TUSC3: variants seen among roughly 807,000 people sequenced by gnomAD.
TUSC3 encodes the protein tumor suppressor candidate 3, also known as dolichyl-diphosphooligosaccharide--protein glycosyltransferase subunit TUSC3.
Under a neutral mutation model 44.8 loss-of-function variants are expected in TUSC3, and 45 were observed. The ratio of observed to expected loss-of-function variants is 1.00; its 90% CI spans 0.79 to 1.29. TUSC3 has a LOEUF of 1.29. Among genes scored for constraint, TUSC3 ranks in the 50% most tolerant of loss-of-function variants. TUSC3 has a pLI of 0.00. For missense variants in TUSC3, 519 were observed against 437.9 expected, an observed-to-expected ratio of 1.19 and a Z score of -1.65; for synonymous variants, 212 against 152.9, an observed-to-expected ratio of 1.39 and a Z score of -2.85.
intron 1 of TUSC3, among the ~76,000 whole-genome samples, chr8:15,588,694 A>C (rs897331214): frequency 2.0e-5 from 3 of 152,144 alleles, no homozygotes; most frequent in African/African-American, 7.2e-5. Flanking sequence ...TTTGGGTCTT[A>C]CACTTAAGTC....
At chr8:15,540,177 C>A (rs775641863), upstream of TUSC3, 133 of 454,304 alleles carry the variant, frequency 2.9e-4, 1 homozygote, top group Admixed American at 4.5e-4. Context: ...GCCGCGCCCC[C>A]GAAGCCTGGC....
chr8:15,517,415 A>G (rs1217070771), intron 2 of TUSC3, among the ~76,000 whole-genome samples: 2 of 151,602 alleles, frequency 1.3e-5, no homozygotes, highest in Non-Finnish European at 2.9e-5. Flanking sequence ...AAAGTCAGAC[A>G]TGGAAAATGG....
rs1168712207 is a variant in TUSC3, at chr8:15,623,084, T to C, written c.143T>C (p.Leu48Pro). The change falls in exon 2 of 11, where the codon CTT becomes CCT. Residue 48 changes from leucine (L) to proline (P), a missense_variant. By Grantham distance (98) the Leu-to-Pro change is moderately conservative (BLOSUM62 -3). Transcript: ENST00000503731. ...LGGGQKKKEN[L>P]LAEKVEQLME... ...AATTTCTGTGTTTAATTGCAGAATC[T>C]TTTAGCTGAAAAAGTAGAGCAGCTG... 5.6e-6 allele frequency: 9 copies of C among 1,613,738 alleles called. No homozygotes were observed. Among genetic ancestry groups the C allele is most frequent in the Non-Finnish European group, 7.6e-6 (9 of 1,179,804 alleles).
In TUSC3 at chr8:15,689,506, G is replaced by C. The variant is rs567872097; in HGVS notation, c.798+15670G>C. The C allele has an allele frequency of 4.5e-4, 75 of 167,810 alleles. 2 individuals are homozygous for C. In the South Asian group the frequency reaches 9.1e-3, roughly 20 times the overall value. 10.4% of individuals were successfully genotyped at this position (167,810 alleles called of 1,614,324 possible). A position where few individuals can be genotyped will look rare whatever the true frequency, so the allele number is the denominator to read the frequency against. ...CTGGCGCCAGCCACTCCGTTCCCCAGGACAGGATCCCCAGGGGTGCCAGCA... is the reference window on the plus strand; with the variant it reads ...CTGGCGCCAGCCACTCCGTTCCCCACGACAGGATCCCCAGGGGTGCCAGCA... On this transcript the variant is annotated intron_variant, in intron 6 of 10. Coordinates refer to ENST00000503731, the MANE Select transcript of TUSC3 (RefSeq NM_006765.4).
chr8:15,616,315 C>T (rs904930566), intron 1 of TUSC3, among the ~76,000 whole-genome samples: 1 of 152,276 alleles, frequency 6.6e-6, no homozygotes, highest in Non-Finnish European at 1.5e-5. Flanking sequence ...TGGTGGCTCA[C>T]GCCAGTAATC....
intron 1 of TUSC3, among the ~76,000 whole-genome samples, chr8:15,438,447 C>T (rs116329597): frequency 0.16 from 24,456 of 151,782 alleles, 2,018 homozygotes; most frequent in Middle Eastern, 0.22. Flanking sequence ...TGCATGGTGC[C>T]TGGTATAGTC....
the TUSC3 span, among the ~76,000 whole-genome samples, chr8:15,808,331 T>A: frequency 6.6e-6 from 1 of 152,140 alleles, no homozygotes; most frequent in Non-Finnish European, 1.5e-5. Flanking sequence ...AGAATATAAT[T>A]GTTTAAAAAA....
At chr8:15,449,916 A>G (rs904773824) in intron 1 of TUSC3, among the ~76,000 whole-genome samples, 2 of 152,034 alleles carry the variant, frequency 1.3e-5, no homozygotes, top group African/African-American at 4.8e-5. Flanking sequence ...TGCCTGTGGT[A>G]TTCAGTGTAG....
chr8:15,794,440 A>T, the TUSC3 span, among the ~76,000 whole-genome samples: 1 of 152,184 alleles, frequency 6.6e-6, no homozygotes, highest in African/African-American at 2.4e-5. Context: ...CATAATTTGA[A>T]TGCACTGGAA....
intron 1 of TUSC3, among the ~76,000 whole-genome samples, chr8:15,622,426 C>T (rs936190504): frequency 1.3e-5 from 2 of 151,864 alleles, no homozygotes; most frequent in African/African-American, 4.8e-5. Context: ...AGCCACCATT[C>T]CCAGCCTATA....
At chr8:15,613,983 G>A (rs1237771125) in intron 1 of TUSC3, among the ~76,000 whole-genome samples, 1 of 149,318 alleles carries the variant, frequency 6.7e-6, no homozygotes, top group African/African-American at 2.5e-5. Flanking sequence ...TGTACAGGAA[G>A]TATACATTTG....
chr8:15,628,727 G>A (rs1469378184), intron 2 of TUSC3, among the ~76,000 whole-genome samples: 2 of 152,168 alleles, frequency 1.3e-5, no homozygotes, highest in Non-Finnish European at 2.9e-5. Context: ...TTGAGATACC[G>A]TTTTTGAAAC....
At chr8:15,499,138 C>G (rs1483610615) in intron 2 of TUSC3, among the ~76,000 whole-genome samples, 3 of 152,110 alleles carry the variant, frequency 2.0e-5, no homozygotes, top group Non-Finnish European at 4.4e-5. Flanking sequence ...GCTTTAATTT[C>G]TGGTTCACTG....
At chr8:15,422,316 C>A (rs1291936470) in intron 1 of TUSC3, among the ~76,000 whole-genome samples, 2 of 152,048 alleles carry the variant, frequency 1.3e-5, no homozygotes, top group African/African-American at 4.8e-5. Context: ...CATTATGTTC[C>A]ATTCTGTTGT....
At chr8:15,564,502 G>C (rs772908715) in intron 1 of TUSC3, among the ~76,000 whole-genome samples, 4 of 152,088 alleles carry the variant, frequency 2.6e-5, no homozygotes, top group Non-Finnish European at 4.4e-5. Context: ...AATATGTGCA[G>C]TGTCTATTTG....
chr8:15,463,182 G>T (rs1217820539), intron 1 of TUSC3, among the ~76,000 whole-genome samples: 3 of 151,978 alleles, frequency 2.0e-5, no homozygotes, highest in African/African-American at 7.2e-5. Flanking sequence ...CTGAGTAATT[G>T]CAGAGTAAAA....
chr8:15,761,273 G>C (rs1361561690), intron 10 of TUSC3, among the ~76,000 whole-genome samples: 1 of 152,168 alleles, frequency 6.6e-6, no homozygotes, highest in Non-Finnish European at 1.5e-5. Flanking sequence ...ATGAGGGAGT[G>C]CTGAGGAGAG....
intron 1 of TUSC3, among the ~76,000 whole-genome samples, chr8:15,571,651 T>A (rs541818849): frequency 1.3e-5 from 2 of 152,258 alleles, no homozygotes; most frequent in East Asian, 3.9e-4. Flanking sequence ...GTTGGCCACA[T>A]TGATTCCCTC....
intron 2 of TUSC3, among the ~76,000 whole-genome samples, chr8:15,643,410 GTT>G (rs10662497): frequency 1.4e-5 from 2 of 144,756 alleles, no homozygotes; most frequent in Non-Finnish European, 1.5e-5. Context: ...ACTGTTAGTT[GTT>G]TTTTTTTTTT....
Sources: gnomAD v4.1 joint callset for allele counts (sites outside exome capture counted in the v4.1 genomes callset) on GRCh38, gnomAD v4.1.1 for gene constraint, MANE v1.5 for transcripts, NCBI Gene and HGNC (gene_info 2026-07-23, HGNC 2026-07-21) for gene names.